PCDHGB4: variants seen among roughly 807,000 people sequenced by gnomAD.
The protein encoded by PCDHGB4 is protocadherin gamma subfamily B, 4.
A neutral mutation model predicts 60.5 loss-of-function variants in PCDHGB4; 38 were observed. That is an observed-to-expected ratio of 0.63 (90% CI 0.48 to 0.82). The LOEUF (loss-of-function observed/expected upper bound fraction) is 0.82. Ranked by LOEUF, PCDHGB4 falls within the 40% of genes least tolerant of loss-of-function variation. The pLI, the probability that PCDHGB4 is intolerant of heterozygous loss-of-function variation, is 0.00. For synonymous variants in PCDHGB4, 456 were observed against 509.7 expected (o/e 0.89, Z 1.42); for missense variants, 1,109 against 1,209.6 (o/e 0.92, Z 1.23).
At chr5:141,423,501 C>T (rs2096747990) in intron 1 of PCDHGB4, 1 of 1,613,990 alleles carries the variant, frequency 6.2e-7, no homozygotes, top group Non-Finnish European at 8.5e-7. Context: ...CCCACGAGGT[C>T]TCTCTCATTG....
intron 1 of PCDHGB4, chr5:141,394,345 C>T (rs748471730): frequency 1.2e-6 from 2 of 1,614,146 alleles, no homozygotes; most frequent in Non-Finnish European, 1.7e-6. Context: ...AACTCTGACA[C>T]CGGTGTCCTG....
chr5:141,480,970 A>C (rs1189003084), intron 1 of PCDHGB4, among the ~76,000 whole-genome samples: 1 of 152,120 alleles, frequency 6.6e-6, no homozygotes, highest in Non-Finnish European at 1.5e-5. Flanking sequence ...AGTGAGGGAG[A>C]ATCAGTGAAC....
intron 1 of PCDHGB4, chr5:141,392,231 C>T (rs1225616326): frequency 6.6e-6 from 1 of 152,078 alleles, no homozygotes; most frequent in Non-Finnish European, 1.5e-5. Context: ...AACTGAAGTT[C>T]TTAGTTATTT....
chr5:141,410,817 A>T, intron 1 of PCDHGB4: 1 of 524,252 alleles, frequency 1.9e-6, no homozygotes, highest in Non-Finnish European at 3.1e-6. Context: ...TTGTAAAATA[A>T]TGTCACCAGA....
At chr5:141,422,302 G>A (rs749870505) in intron 1 of PCDHGB4, 2 of 1,549,012 alleles carry the variant, frequency 1.3e-6, no homozygotes, top group Admixed American at 4.3e-5. Flanking sequence ...TTCAATTCTG[G>A]AAAACTCTCC....
chr5:141,446,088 T>C (rs2098487177), intron 1 of PCDHGB4, among the ~76,000 whole-genome samples: 1 of 152,100 alleles, frequency 6.6e-6, no homozygotes, highest in African/African-American at 2.4e-5. Flanking sequence ...TAGAAATAAA[T>C]GGATGAATTA....
At chr5:141,482,371 T>C (rs1191880709) in intron 1 of PCDHGB4, among the ~76,000 whole-genome samples, 2 of 152,100 alleles carry the variant, frequency 1.3e-5, no homozygotes, top group African/African-American at 2.4e-5. Flanking sequence ...AAGTAATGCA[T>C]ATAAAGTCCC....
intron 1 of PCDHGB4, among the ~76,000 whole-genome samples, chr5:141,470,714 T>C (rs1416956410): frequency 1.3e-5 from 2 of 152,152 alleles, no homozygotes; most frequent in Non-Finnish European, 2.9e-5. Context: ...TTTTATTTTT[T>C]TGAGTCAGGG....
Position 141,394,314 on chromosome 5 carries a change from CT to C in PCDHGB4, c.2397+4034del, listed in dbSNP as rs772070804. On this transcript the variant is annotated intron_variant, in intron 1 of 3. Transcript: ENST00000519479. ...CGAGGACACGCTGCAGGGGGCGCCC[CT>C]GTCCTCGTATATCTCCATCAACTCT... 4.3e-6 allele frequency: 7 copies of C among 1,614,038 alleles called. 1 individual carries two copies. Among genetic ancestry groups the C allele is most frequent in the East Asian group, 4.5e-5 (2 of 44,882 alleles).
intron 1 of PCDHGB4, chr5:141,415,172 T>G (rs770772038): frequency 1.2e-6 from 2 of 1,613,882 alleles, no homozygotes; most frequent in Non-Finnish European, 1.7e-6. Context: ...ACGCTCACCG[T>G]GGCCGTGGCC....
At chr5:141,415,043 T>G in intron 1 of PCDHGB4, 2 of 1,613,396 alleles carry the variant, frequency 1.2e-6, no homozygotes, top group Non-Finnish European at 1.7e-6. Flanking sequence ...CTCTTCGCGG[T>G]GGGGGAGCAC....
Position 141,462,050 on chromosome 5 carries a change from C to T in PCDHGB4, c.2398-32757C>T, listed in dbSNP as rs146056741. On this transcript the variant is annotated intron_variant, in intron 1 of 3. Coordinates refer to ENST00000519479, the MANE Select transcript of PCDHGB4 (RefSeq NM_003736.4). ...GTTGGTCAGGCGGGTCTTGAACTCC[C>T]GACCTCAGGTGATCTGCCCGCCTTG... is the stretch of plus-strand genomic sequence containing the variant. 5.5e-3 allele frequency among the ~76,000 whole-genome samples: 830 copies of T among 151,978 alleles called. 23 individuals are homozygous for T. The East Asian group carries it at 0.095, about 17-fold the overall frequency.
At chr5:141,423,119 G>T (rs769320490) in intron 1 of PCDHGB4, 2 of 1,613,774 alleles carry the variant, frequency 1.2e-6, no homozygotes, top group Non-Finnish European at 1.7e-6. Context: ...CGTACAGCGC[G>T]GGCACTGCTG....
chr5:141,405,326 T>C (rs764056952), intron 1 of PCDHGB4: 2 of 1,614,220 alleles, frequency 1.2e-6, no homozygotes, highest in South Asian at 2.2e-5. Context: ...TGAGCCTTTG[T>C]GCGTCTCTGT....
chr5:141,415,482 G>C, intron 1 of PCDHGB4: 1 of 1,614,218 alleles, frequency 6.2e-7, no homozygotes, highest in Non-Finnish European at 8.5e-7. Context: ...ACTCGCGAAA[G>C]AGTCACCTGA....
At position 141,489,244 on chromosome 5, in the gene PCDHGB4, G is replaced by A. The variant is rs145484133; in HGVS notation, c.2398-5563G>A. ...TCCACAAAGGGACTTCTGGGTCATG[G>A]GGCCCAAGACACTCCCACAGCTCGC... On this transcript the variant is annotated intron_variant, in intron 1 of 3. Coordinates refer to ENST00000519479, the MANE Select transcript of PCDHGB4 (RefSeq NM_003736.4). This position sits in a 1 kb window ranked among gnomAD's most constrained non-coding sequence, Gnocchi z 4.5. 5 of 1,534,936 alleles carry A rather than the reference G, an allele frequency of 3.3e-6. No individual in the cohort carries two copies. In the African/African-American group the frequency reaches 5.5e-5, roughly 17 times the overall value.
At chr5:141,446,502 A>G (rs1178198384) in intron 1 of PCDHGB4, among the ~76,000 whole-genome samples, 5 of 150,732 alleles carry the variant, frequency 3.3e-5, no homozygotes, top group Non-Finnish European at 7.4e-5. Context: ...TTTGAGATGG[A>G]GTCTCGCTCT....
intron 1 of PCDHGB4, chr5:141,403,391 G>GT (rs2154533404): frequency 1.2e-6 from 2 of 1,614,046 alleles, no homozygotes; most frequent in Admixed American, 3.3e-5. Flanking sequence ...CGAAATCGCG[G>GT]TTCCTGGAGC....
At chr5:141,458,567 TTTTGTTTG>T (rs144471304) in intron 1 of PCDHGB4, among the ~76,000 whole-genome samples, 1 of 151,488 alleles carries the variant, frequency 6.6e-6, no homozygotes, top group Non-Finnish European at 1.5e-5. Flanking sequence ...GGTTTTGGGT[TTTTGTTTG>T]TTTGTTTGTT....
Sources: gnomAD v4.1 joint callset for allele counts (sites outside exome capture counted in the v4.1 genomes callset) on GRCh38, gnomAD v4.1.1 for gene constraint, Gnocchi (gnomAD v3.1) non-coding constraint, MANE v1.5 for transcripts, NCBI Gene and HGNC (gene_info 2026-07-23, HGNC 2026-07-21) for gene names.